Variants in FRAS1 observed in about 807,000 individuals in gnomAD.
FRAS1 encodes the protein extracellular matrix organizing protein FRAS1.
Under a neutral mutation model 435.2 loss-of-function variants are expected in FRAS1, and 290 were observed. The ratio of observed to expected loss-of-function variants is 0.67; its 90% CI spans 0.61 to 0.73. The LOEUF (loss-of-function observed/expected upper bound fraction) is 0.73, where lower values mean the gene tolerates loss of function less well. FRAS1 is among the 30% of genes least tolerant of loss of function. FRAS1 has a pLI of 0.00. For missense variants in FRAS1, 4,860 were observed against 5,001.5 expected (o/e 0.97, Z 0.85); for synonymous variants, 1,800 against 1,851.0 (o/e 0.97, Z 0.71).
At chr4:78,143,173 C>T (rs1399556547) in intron 2 of FRAS1, among the ~76,000 whole-genome samples, 4 of 151,998 alleles carry the variant, frequency 2.6e-5, no homozygotes, top group African/African-American at 9.7e-5. Context: ...AAATGAAATA[C>T]CATGCAAACA....
chr4:78,393,752 A>G (rs758830671), intron 29 of FRAS1, among the ~76,000 whole-genome samples: 1 of 152,056 alleles, frequency 6.6e-6, no homozygotes, highest in African/African-American at 2.4e-5. Flanking sequence ...CAACATGCTG[A>G]TTTCATTTAC....
At chr4:78,104,463 C>G (rs1478542519) in intron 2 of FRAS1, among the ~76,000 whole-genome samples, 1 of 152,204 alleles carries the variant, frequency 6.6e-6, no homozygotes, top group African/African-American at 2.4e-5. Flanking sequence ...GGCACATACA[C>G]TGATCTTATC....
chr4:78,314,690 T>G (rs1729164045), intron 15 of FRAS1, among the ~76,000 whole-genome samples: 1 of 152,192 alleles, frequency 6.6e-6, no homozygotes, highest in Non-Finnish European at 1.5e-5. Flanking sequence ...ATGAAACTAC[T>G]GTTTTCCTGG....
rs139262781 is a variant in FRAS1, at chr4:78,119,958, C to T, written c.108+53942C>T. 4.5e-3 allele frequency among the ~76,000 whole-genome samples: 684 copies of T among 152,322 alleles called. 1 individual carries two copies. Among genetic ancestry groups the T allele is most frequent in the Non-Finnish European group, 6.9e-3 (468 of 68,032 alleles). ...TACATGGAGGCAAGGGGAACTCCTCCTCTCCTGTTTTTCCCTGCTTGTCTA... is the reference window on the plus strand; with the variant it reads ...TACATGGAGGCAAGGGGAACTCCTCTTCTCCTGTTTTTCCCTGCTTGTCTA... On this transcript the variant is annotated intron_variant, in intron 2 of 73. Coordinates refer to ENST00000512123, the MANE Select transcript of FRAS1 (RefSeq NM_025074.7).
Position 78,374,268 on chromosome 4 carries a change from T to A in FRAS1, c.3151+17T>A. 1 of 1,422,414 alleles carries A rather than the reference T, an allele frequency of 7.0e-7. No individual in the cohort carries two copies. 88.1% of individuals were successfully genotyped at this position (1,422,414 alleles called of 1,614,324 possible). A position where few individuals can be genotyped will look rare whatever the true frequency, so the allele number is the denominator to read the frequency against. On this transcript the variant is annotated intron_variant, in intron 25 of 73. Coordinates refer to ENST00000512123, the MANE Select transcript of FRAS1 (RefSeq NM_025074.7). Reference sequence around the variant, plus strand: ...AATGCACAGGTAACTTGGAGACTGCTGATTATTCTGGAAAGAAGTGAGGGC... The same window carrying A: ...AATGCACAGGTAACTTGGAGACTGCAGATTATTCTGGAAAGAAGTGAGGGC...
At chr4:78,184,478 A>G (rs372812184) in intron 2 of FRAS1, among the ~76,000 whole-genome samples, 2 of 152,368 alleles carry the variant, frequency 1.3e-5, no homozygotes, top group Admixed American at 6.5e-5. Context: ...CAAGACAAGT[A>G]TAGGCAGTGC....
At chr4:78,302,677 C>G (rs1728473804) in intron 14 of FRAS1, among the ~76,000 whole-genome samples, 1 of 151,820 alleles carries the variant, frequency 6.6e-6, no homozygotes. Context: ...CTGTTCATGT[C>G]CTTCACCCAC....
intron 20 of FRAS1, among the ~76,000 whole-genome samples, chr4:78,357,468 G>T (rs1730899498): frequency 1.3e-5 from 2 of 152,178 alleles, no homozygotes; most frequent in Non-Finnish European, 2.9e-5. Flanking sequence ...CATAAGAGGG[G>T]CAGGCAGGAG....
rs182372477 is a variant in FRAS1, at chr4:78,129,124, T to G, written c.108+63108T>G. Reference sequence around the variant, plus strand: ...ATTCCATCGGTCTATATCTCTGTTTTGGTACCAGTAGCATGCTGTTTTGGT... The same window carrying G: ...ATTCCATCGGTCTATATCTCTGTTTGGGTACCAGTAGCATGCTGTTTTGGT... On this transcript the variant is annotated intron_variant, in intron 2 of 73. Coordinates refer to ENST00000512123, the MANE Select transcript of FRAS1 (RefSeq NM_025074.7). Among the ~76,000 whole-genome samples the G allele has an allele frequency of 1.1e-4, 17 of 152,356 alleles. No individual in the cohort carries two copies. In the East Asian group the frequency reaches 2.7e-3, roughly 24 times the overall value.
At chr4:78,073,177 A>G (rs1311748689) in intron 2 of FRAS1, among the ~76,000 whole-genome samples, 1 of 152,190 alleles carries the variant, frequency 6.6e-6, no homozygotes, top group Non-Finnish European at 1.5e-5. Flanking sequence ...TAAATTGTCC[A>G]TCATAATTAG....
At position 78,511,312 on chromosome 4, in the gene FRAS1, G is replaced by A. The variant is rs543101195; in HGVS notation, c.9819G>A (p.Val3273=). The A allele has an allele frequency of 1.6e-5, 25 of 1,609,574 alleles. No homozygotes were observed. In the African/African-American group the frequency reaches 2.4e-4, roughly 15 times the overall value. ...TTTACTTCAGCCGGAGGTTCCATGT[G>A]CGTTGTGTGGCCAAGGCTGTGGACA... is the stretch of plus-strand genomic sequence containing the variant. ...DSIYFSRRFH[V]RCVAKAVDKV... is the part of the protein sequence containing the mutation. Residue 3273 remains valine, a synonymous_variant, in exon 64 of 74, where the codon GTG becomes GTA. Coordinates refer to ENST00000512123, the MANE Select transcript of FRAS1 (RefSeq NM_025074.7).
chr4:78,489,372 C>T (rs1452956512), intron 59 of FRAS1, among the ~76,000 whole-genome samples: 1 of 152,148 alleles, frequency 6.6e-6, no homozygotes, highest in Non-Finnish European at 1.5e-5. Context: ...TCACATGCTG[C>T]ATTCTCACAA....
intron 2 of FRAS1, among the ~76,000 whole-genome samples, chr4:78,125,865 G>C (rs796942705): frequency 6.6e-6 from 1 of 152,234 alleles, no homozygotes; most frequent in Non-Finnish European, 1.5e-5. Context: ...CAATCTGCCC[G>C]TTATTGGAGC....
At chr4:78,180,857 G>A in intron 2 of FRAS1, 1 of 1,578,250 alleles carries the variant, frequency 6.3e-7, no homozygotes, top group Non-Finnish European at 8.7e-7. Flanking sequence ...GTTGTCTTAT[G>A]GCATCCAGTT....
chr4:78,239,092 A>C (rs982592907), intron 3 of FRAS1, among the ~76,000 whole-genome samples: 1 of 152,234 alleles, frequency 6.6e-6, no homozygotes, highest in African/African-American at 2.4e-5. Context: ...GTTGCCATGT[A>C]GACCATGTGT....
At chr4:78,233,622 A>C (rs747259848) in intron 2 of FRAS1, among the ~76,000 whole-genome samples, 1 of 152,248 alleles carries the variant, frequency 6.6e-6, no homozygotes, top group African/African-American at 2.4e-5. Flanking sequence ...CACTGTTCAC[A>C]TATCTTTAAA....
intron 40 of FRAS1, among the ~76,000 whole-genome samples, chr4:78,439,979 T>C (rs1015290619): frequency 6.6e-6 from 1 of 152,120 alleles, no homozygotes; most frequent in Admixed American, 6.5e-5. Flanking sequence ...TTTTCTGGTT[T>C]TGTTGAGCAA....
chr4:78,116,882 G>A (rs1282115046), intron 2 of FRAS1, among the ~76,000 whole-genome samples: 1 of 152,288 alleles, frequency 6.6e-6, no homozygotes, highest in East Asian at 1.9e-4. Flanking sequence ...TATGATGTTA[G>A]CTGGTTATTT....
intron 44 of FRAS1, 23 bp from the exon 45 acceptor site, chr4:78,450,128 A>C: frequency 1.3e-6 from 2 of 1,594,354 alleles, no homozygotes; most frequent in Non-Finnish European, 1.7e-6. Flanking sequence ...GGAATAACCT[A>C]CTCTCTTCCG....
Sources: allele counts gnomAD v4.1 joint callset (sites outside exome capture counted in the v4.1 genomes callset), GRCh38; gene constraint gnomAD v4.1.1; transcripts MANE v1.5; gene names NCBI Gene and HGNC (gene_info 2026-07-23, HGNC 2026-07-21).